The following PRPS2 variants were observed in gnomAD, a reference collection of about 807,000 sequenced individuals.
The protein encoded by PRPS2 is ribose-phosphate pyrophosphokinase 2.
For synonymous variants in PRPS2, 111 were observed against 115.3 expected, an observed-to-expected ratio of 0.96 and a Z score of 0.24; for missense variants, 104 against 271.5, an observed-to-expected ratio of 0.38 and a Z score of 4.34.
intron 2 of PRPS2, among the ~76,000 whole-genome samples, chrX:12,803,755 G>A (rs1351727497): frequency 8.9e-6 from 1 of 112,238 alleles, no homozygotes. Context: ...ATATTTTTGG[G>A]GCCACCATTC....
At chrX:12,801,221 C>CGTGTGTGTGTGTGTGTGTGTGTGTGTGT (rs72506508) in intron 2 of PRPS2, among the ~76,000 whole-genome samples, 34 of 93,383 alleles carry the variant, frequency 3.6e-4, no homozygotes, top group Middle Eastern at 5.2e-3. Flanking sequence ...TGCGTGCGCA[C>CGTGTGTGTGTGTGTGTGTGTGTGTGTGT]GTGTGTGTGT....
At chrX:12,801,004 C>T (rs1272442232) in intron 2 of PRPS2, among the ~76,000 whole-genome samples, 3 of 112,336 alleles carry the variant, frequency 2.7e-5, no homozygotes, top group Non-Finnish European at 5.6e-5. Context: ...TCCAATAAAA[C>T]TTTATTTATG....
Position 12,823,171 on chromosome X carries a change from CT to C in PRPS2, c.*377del, listed in dbSNP as rs1217797290. The C allele has an allele frequency of 2.0e-5, 3 of 150,266 alleles. No individual in the cohort carries two copies. The highest frequency in any genetic ancestry group is 1.6e-4 in the Admixed American group (2 of 12,208). The allele number at this position is 150,266 out of a possible 1,213,427, so 12.4% of individuals were successfully genotyped here. On this transcript the variant is annotated 3_prime_UTR_variant, in exon 7 of 7. Coordinates refer to ENST00000380668, the MANE Select transcript of PRPS2 (RefSeq NM_002765.5). The stretch of plus-strand genomic sequence containing the variant: ...TATATTTCGAGGTTGCCAAAGGTGA[CT>C]TCAGATTAAAGCCTTCTGTGTAAAT...
In PRPS2 at chrX:12,791,701, G is replaced by C; in HGVS notation, c.122+82G>C. ...CCGGGTTGGGGGCCGGCGCCTGCCCGGGCCACCTCCGCGGACGCCGCGCTC... is the reference window on the plus strand; with the variant it reads ...CCGGGTTGGGGGCCGGCGCCTGCCCCGGCCACCTCCGCGGACGCCGCGCTC... On this transcript the variant is annotated intron_variant, in intron 1 of 6. Transcript: ENST00000380668. The C allele has an allele frequency of 2.4e-6, 2 of 832,999 alleles. 1 individual carries two copies. Among genetic ancestry groups the C allele is most frequent in the East Asian group, 1.4e-4 (2 of 14,504 alleles). 68.6% of individuals were successfully genotyped at this position (832,999 alleles called of 1,213,427 possible).
At chrX:12,804,356 G>T (rs765402821) in intron 2 of PRPS2, among the ~76,000 whole-genome samples, 8 of 110,389 alleles carry the variant, frequency 7.2e-5, no homozygotes, top group Non-Finnish European at 5.7e-5. Context: ...TGGCCAGGCT[G>T]GTCTCGAACT....
chrX:12,801,599 T>G (rs2042570820), intron 2 of PRPS2, among the ~76,000 whole-genome samples: 1 of 112,081 alleles, frequency 8.9e-6, no homozygotes, highest in African/African-American at 3.2e-5. Context: ...TAGCTGGTTT[T>G]TTGTTGTTTG....
chrX:12,816,295 C>T (rs73438860), intron 4 of PRPS2, among the ~76,000 whole-genome samples: 1 of 111,318 alleles, frequency 9.0e-6, no homozygotes, highest in Non-Finnish European at 1.9e-5. Flanking sequence ...TGACCACCAC[C>T]TTACTATGTG....
chrX:12,808,343 A>ATGAAATCTT (rs2042605080), intron 2 of PRPS2, among the ~76,000 whole-genome samples: 1 of 104,581 alleles, frequency 9.6e-6, no homozygotes, highest in Admixed American at 1.1e-4. Flanking sequence ...ACTATTTTGA[A>ATGAAATCTT]TGAAATCTTT....
In PRPS2 at chrX:12,819,650, C is replaced by G; in HGVS notation, c.674C>G (p.Thr225Ser). 1.7e-6 allele frequency: 2 copies of G among 1,211,347 alleles called. No individual in the cohort carries two copies. The highest frequency in any genetic ancestry group is 2.2e-6 in the Non-Finnish European group (2 of 895,195). ...VAILVDDMAD[T>S]CGTICHAADK... ...ATCCTCGTGGATGACATGGCTGACA[C>G]TTGCGGCACCATCTGCCATGCTGCG... Residue 225 changes from threonine (T) to serine (S), a missense_variant, in exon 5 of 7, where the codon ACT (threonine) becomes AGT (serine). Thr to Ser is a moderately conservative substitution (Grantham distance 58). Coordinates refer to ENST00000380668, the MANE Select transcript of PRPS2 (RefSeq NM_002765.5).
chrX:12,800,061 G>T (rs778351440), intron 2 of PRPS2, among the ~76,000 whole-genome samples: 51 of 112,301 alleles, frequency 4.5e-4, no homozygotes, highest in African/African-American at 1.6e-3. Context: ...AGAAATCGGA[G>T]GTTGAGAAGA....
intron 5 of PRPS2, among the ~76,000 whole-genome samples, chrX:12,820,407 C>T (rs1354019952): frequency 9.0e-6 from 1 of 111,044 alleles, no homozygotes; most frequent in Non-Finnish European, 1.9e-5. Context: ...CGTAGGACAG[C>T]CCCCGTGACA....
chrX:12,817,093 G>T (rs758872759), intron 4 of PRPS2, among the ~76,000 whole-genome samples: 2 of 109,047 alleles, frequency 1.8e-5, no homozygotes, highest in Admixed American at 2.0e-4. Context: ...TGGATCCGAG[G>T]ATCCTCAGAT....
intron 1 of PRPS2, among the ~76,000 whole-genome samples, chrX:12,797,109 G>A (rs991468738): frequency 4.5e-5 from 5 of 110,533 alleles, no homozygotes; most frequent in African/African-American, 1.6e-4. Flanking sequence ...TGTAATCCCA[G>A]CACTTTGGGA....
chrX:12,801,660 G>A (rs1216220441), intron 2 of PRPS2, among the ~76,000 whole-genome samples: 1 of 112,831 alleles, frequency 8.9e-6, no homozygotes, highest in Non-Finnish European at 1.9e-5. Flanking sequence ...CCAGGCTGAA[G>A]TGCAGTGGCA....
chrX:12,821,266 A>C (rs1378070084), intron 6 of PRPS2, among the ~76,000 whole-genome samples: 1 of 112,192 alleles, frequency 8.9e-6, no homozygotes, highest in East Asian at 2.8e-4. Context: ...ATGGAATACT[A>C]TTCAGCCTTT....
At chrX:12,808,400 G>A (rs1227302480) in intron 2 of PRPS2, among the ~76,000 whole-genome samples, 2 of 109,491 alleles carry the variant, frequency 1.8e-5, no homozygotes. Flanking sequence ...TAGAAATACT[G>A]TTGTTTACAA....
rs144874366 is a variant in PRPS2, at chrX:12,815,091, T to C, written c.531-4416T>C. On this transcript the variant is annotated intron_variant, in intron 4 of 6. Transcript: ENST00000380668. ...GAGTATGTATTAGGTCTCCATGATA[T>C]ACAAGGAAAAGAAGAGTTACCTATA... is the stretch of plus-strand genomic sequence containing the variant. 4.7e-3 allele frequency among the ~76,000 whole-genome samples: 532 copies of C among 112,845 alleles called. 3 individuals are homozygous for C. Among genetic ancestry groups the C allele is most frequent in the African/African-American group, 0.016 (484 of 31,078 alleles).
At chrX:12,806,260 C>T (rs1306081417) in intron 2 of PRPS2, among the ~76,000 whole-genome samples, 1 of 111,428 alleles carries the variant, frequency 9.0e-6, no homozygotes, top group Non-Finnish European at 1.9e-5. Flanking sequence ...AAATTGAGAA[C>T]AGTTTTTCCT....
intron 1 of PRPS2, among the ~76,000 whole-genome samples, chrX:12,793,921 A>G (rs1391596187): frequency 8.9e-6 from 1 of 112,117 alleles, no homozygotes; most frequent in Non-Finnish European, 1.9e-5. Context: ...TTCACTATAG[A>G]CCATGGAAAT....
Sources: allele counts gnomAD v4.1 joint callset (sites outside exome capture counted in the v4.1 genomes callset), GRCh38; gene constraint gnomAD v4.1.1; transcripts MANE v1.5; gene names NCBI Gene and HGNC (gene_info 2026-07-23, HGNC 2026-07-21).